MYO18B: variants seen among roughly 807,000 people sequenced by gnomAD.
MYO18B encodes the protein unconventional myosin-XVIIIb.
MYO18B carries 204 observed loss-of-function variants against 273.0 expected under a neutral mutation model. That is an observed-to-expected ratio of 0.75 (90% CI 0.67 to 0.84). MYO18B has a LOEUF of 0.84. Among genes scored for constraint, MYO18B ranks in the 40% least tolerant of loss-of-function variants. The pLI is 0.00. For missense variants in MYO18B, 3,212 were observed against 3,287.6 expected (o/e 0.98, Z 0.56); for synonymous variants, 1,330 against 1,305.7 (o/e 1.02, Z -0.40).
chr22:25,780,899 G>C (rs2087121163), intron 9 of MYO18B, among the ~76,000 whole-genome samples: 1 of 152,146 alleles, frequency 6.6e-6, no homozygotes, highest in Non-Finnish European at 1.5e-5. Context: ...CGAACACATG[G>C]CCTGTTTGTT....
the MYO18B span, among the ~76,000 whole-genome samples, chr22:26,045,706 C>T: frequency 6.6e-6 from 1 of 152,328 alleles, no homozygotes; most frequent in South Asian, 2.1e-4. Flanking sequence ...CAAGTAACTG[C>T]GGCTTTTGCA....
intron 11 of MYO18B, among the ~76,000 whole-genome samples, chr22:25,788,968 G>A (rs2087518501): frequency 6.6e-6 from 1 of 152,234 alleles, no homozygotes; most frequent in Admixed American, 6.5e-5. Context: ...AATGAAATGA[G>A]ATAAAGCCAA....
intron 21 of MYO18B, among the ~76,000 whole-genome samples, chr22:25,867,015 G>A (rs1459882951): frequency 6.6e-6 from 1 of 152,094 alleles, no homozygotes; most frequent in Non-Finnish European, 1.5e-5. Context: ...TACTGTTCAA[G>A]ACATAGCTGT....
chr22:25,883,024 G>T lies in MYO18B; in HGVS notation c.4314+4976G>T, dbSNP rs1222968959. Reference sequence around the variant, plus strand: ...CGAACCTCCTACTTCAGCCTCCCATGTAGCCAGGACCACAGGCGTGCATCA... The same window carrying T: ...CGAACCTCCTACTTCAGCCTCCCATTTAGCCAGGACCACAGGCGTGCATCA... On this transcript the variant is annotated intron_variant, in intron 25 of 43. Coordinates refer to ENST00000335473, the MANE Select transcript of MYO18B (RefSeq NM_032608.7). This position sits in a 1 kb window ranked among gnomAD's most constrained non-coding sequence, Gnocchi z 7.6. 2.6e-5 allele frequency among the ~76,000 whole-genome samples: 4 copies of T among 152,078 alleles called. No individual in the cohort carries two copies. The highest frequency in any genetic ancestry group is 5.9e-5 in the Non-Finnish European group (4 of 68,016).
intron 39 of MYO18B, among the ~76,000 whole-genome samples, chr22:25,985,755 G>C (rs1015742998): frequency 2.6e-5 from 4 of 151,868 alleles, no homozygotes; most frequent in African/African-American, 9.7e-5. Context: ...TCAGTCTCCT[G>C]AGTAGCTGGG....
the MYO18B span, among the ~76,000 whole-genome samples, chr22:26,043,269 T>C: frequency 1.8e-4 from 27 of 152,218 alleles, no homozygotes; most frequent in Non-Finnish European, 3.7e-4. Context: ...TATTTCATTG[T>C]CCAAATATAC....
rs1934144518 is a variant in MYO18B at position 26,003,318 on chromosome 22, A to G, written c.6332+9A>G. On this transcript the variant is annotated intron_variant, in intron 41 of 43. Coordinates refer to ENST00000335473, the MANE Select transcript of MYO18B (RefSeq NM_032608.7). ...AGCGGCCGAAAAGAGATGTAAGTTA[A>G]CCCCAGGTAGAACTGAGCAGCTCAC... The G allele has an allele frequency of 1.2e-6, 2 of 1,603,752 alleles. No individual in the cohort carries two copies. Among genetic ancestry groups the G allele is most frequent in the African/African-American group, 1.3e-5 (1 of 74,834 alleles).
Position 25,992,500 on chromosome 22 carries a change from T to A in MYO18B, c.6287+7T>A. The A allele has an allele frequency of 6.2e-7, 1 of 1,613,822 alleles. No homozygotes were observed. Among genetic ancestry groups the A allele is most frequent in the African/African-American group, 1.3e-5 (1 of 75,052 alleles). On this transcript the variant is annotated splice_region_variant and intron_variant, in intron 40 of 43. Coordinates refer to ENST00000335473, the MANE Select transcript of MYO18B (RefSeq NM_032608.7). ...GTGACAGTGATACTGAGAGGTAACT[T>A]GCTAGGGGCTCGGCGGGGCTGGGCG...
intron 42 of MYO18B, among the ~76,000 whole-genome samples, chr22:26,010,797 C>CA (rs767009372): frequency 3.9e-5 from 6 of 152,108 alleles, no homozygotes; most frequent in Non-Finnish European, 7.4e-5. Context: ...GGGCTAAACT[C>CA]ACAGCAGAAA....
At chr22:25,964,652 T>C (rs1169145976) in intron 39 of MYO18B, 1 of 152,116 alleles carries the variant, frequency 6.6e-6, no homozygotes, top group Non-Finnish European at 1.5e-5. Context: ...TCTGCCCCGT[T>C]TACCATAATC....
rs532294516 is a variant in MYO18B, at chr22:25,868,669, C to A, written c.3951+284C>A. On this transcript the variant is annotated intron_variant, in intron 22 of 43. Coordinates refer to ENST00000335473, the MANE Select transcript of MYO18B (RefSeq NM_032608.7). ...TTAGCATTCTGGTCCTCAAGATGAC[C>A]TTCTGAGTCTCAGAAAGAGCTGCCA... Among the ~76,000 whole-genome samples the A allele has an allele frequency of 3.3e-5, 5 of 152,298 alleles. No homozygotes were observed. The South Asian group carries it at 1.0e-3, about 32-fold the overall frequency.
Position 25,770,115 on chromosome 22 carries a change from T to C in MYO18B, c.1518T>C (p.Pro506=), listed in dbSNP as rs1160974661. 1 of 1,613,918 alleles carries C rather than the reference T, an allele frequency of 6.2e-7. No individual in the cohort carries two copies. Among genetic ancestry groups the C allele is most frequent in the South Asian group, 1.1e-5 (1 of 91,074 alleles). Residue 506 remains proline, a synonymous_variant, in exon 5 of 44, where the codon CCT becomes CCC. Coordinates refer to ENST00000335473, the MANE Select transcript of MYO18B (RefSeq NM_032608.7). ...TACGTGATGTTGGTTCTCAGGCTCC[T>C]GAGGACAGATGGTATGAGGCAGAGA... The part of the protein sequence containing the change: ...GGQSRDSDQA[P]EDRWYEAEKV...
At chr22:25,848,798 G>GCTCT (rs2090334939) in intron 20 of MYO18B, among the ~76,000 whole-genome samples, 1 of 152,162 alleles carries the variant, frequency 6.6e-6, no homozygotes, top group South Asian at 2.1e-4. Context: ...ACAAGGCCAT[G>GCTCT]CTCTCTGCAG....
Position 25,921,376 on chromosome 22 carries a change from C to A in MYO18B, c.5484C>A (p.Val1828=). 1 of 1,599,368 alleles carries A rather than the reference C, an allele frequency of 6.3e-7. No homozygotes were observed. The highest frequency in any genetic ancestry group is 8.5e-7 in the Non-Finnish European group (1 of 1,173,116). ...CCATGGAGGATGGCAAGACATCAGT[C>A]AGCAAGGAGGAGCTGGAGAAAGTGC... The part of the protein sequence containing the change: ...LGTMEDGKTS[V]SKEELEKVHS... Residue 1828 remains valine, a synonymous_variant, in exon 34 of 44, where the codon GTC becomes GTA. Transcript: ENST00000335473.
At chr22:25,777,849 G>A in intron 8 of MYO18B, 68 bp downstream of exon 8, 2 of 1,428,712 alleles carry the variant, frequency 1.4e-6, no homozygotes, top group Non-Finnish European at 1.9e-6. Context: ...GGGATGCTGA[G>A]CTGCTTTCTT....
intron 42 of MYO18B, among the ~76,000 whole-genome samples, chr22:26,025,796 C>T (rs972681413): frequency 2.0e-5 from 3 of 152,142 alleles, no homozygotes; most frequent in Non-Finnish European, 2.9e-5. Context: ...GTGTTTTTGG[C>T]GCTGCTGCCA....
chr22:25,990,629 G>T (rs974113893), intron 39 of MYO18B, among the ~76,000 whole-genome samples: 8 of 133,744 alleles, frequency 6.0e-5, no homozygotes, highest in African/African-American at 2.1e-4. Context: ...GGAGGTTGCA[G>T]TGAGCTGAGA....
At chr22:26,009,399 A>T (rs1444961346) in intron 42 of MYO18B, among the ~76,000 whole-genome samples, 1 of 152,072 alleles carries the variant, frequency 6.6e-6, no homozygotes, top group African/African-American at 2.4e-5. Context: ...GGTCCTCCCC[A>T]TCCTAACCAT....
chr22:25,927,118 G>A (rs1295151966), intron 34 of MYO18B, among the ~76,000 whole-genome samples: 1 of 152,180 alleles, frequency 6.6e-6, no homozygotes, highest in Non-Finnish European at 1.5e-5. Flanking sequence ...AAATTGTACA[G>A]CATGTGTGCT....
Sources: allele counts gnomAD v4.1 joint callset (sites outside exome capture counted in the v4.1 genomes callset), GRCh38; gene constraint gnomAD v4.1.1; non-coding constraint Gnocchi (gnomAD v3.1); transcripts MANE v1.5; gene names NCBI Gene and HGNC (gene_info 2026-07-23, HGNC 2026-07-21).